CD8A: variants seen among roughly 807,000 people sequenced by gnomAD.
CD8A encodes T-cell surface glycoprotein CD8 alpha chain.
A neutral mutation model predicts 24.2 loss-of-function variants in CD8A; 25 were observed. That is an observed-to-expected ratio of 1.03 (90% CI 0.75 to 1.44). The LOEUF is 1.44. Ranked by LOEUF, CD8A falls within the 40% of genes most tolerant of loss-of-function variation. CD8A has a pLI of 0.00. For missense variants in CD8A, 360 were observed against 319.7 expected (o/e 1.13, Z -0.96); for synonymous variants, 165 against 149.9 (o/e 1.10, Z -0.74).
chr2:86,784,933 G>C lies in CD8A; in HGVS notation c.*987C>G, dbSNP rs1418769579. 6.6e-6 allele frequency: 3 copies of C among 453,972 alleles called. No individual in the cohort carries two copies. The highest frequency in any genetic ancestry group is 2.3e-5 in the Admixed American group (1 of 42,554). 28.1% of individuals were successfully genotyped at this position (453,972 alleles called of 1,614,324 possible). On this transcript the variant is annotated 3_prime_UTR_variant, in exon 6 of 6. Coordinates refer to ENST00000283635, the MANE Select transcript of CD8A (RefSeq NM_001768.7). ...AGAGAGTCAGGTCTGCCTCATCCCTGTATCTGCTAGTTGAGCAGAGGCCAG... is the reference window on the plus strand; with the variant it reads ...AGAGAGTCAGGTCTGCCTCATCCCTCTATCTGCTAGTTGAGCAGAGGCCAG...
upstream of CD8A, chr2:86,791,758 A>C: frequency 2.4e-6 from 1 of 419,606 alleles, no homozygotes; most frequent in Non-Finnish European, 4.8e-6. Flanking sequence ...TGCCTTTCCC[A>C]TACACCTGCA....
chr2:86,796,308 T>G (rs904240605), intron 3 of CD8A, among the ~76,000 whole-genome samples: 4 of 152,180 alleles, frequency 2.6e-5, no homozygotes, highest in Admixed American at 1.3e-4. Context: ...GAAGAAAGCA[T>G]GGCTGAAAAT....
intron 2 of CD8A, among the ~76,000 whole-genome samples, chr2:86,804,488 TAGAG>T (rs545896273): frequency 4.3e-4 from 66 of 152,248 alleles, no homozygotes; most frequent in Middle Eastern, 3.4e-3. Flanking sequence ...TGAAAAGAGT[TAGAG>T]AGAAGGATGG....
intron 2 of CD8A, among the ~76,000 whole-genome samples, chr2:86,806,221 A>C (rs1673851457): frequency 6.6e-6 from 1 of 152,128 alleles, no homozygotes; most frequent in Non-Finnish European, 1.5e-5. Flanking sequence ...TGAGTGGTGC[A>C]AGGTGGAGGA....
In CD8A at chr2:86,790,701, A is replaced by T. The variant is rs1673256559; in HGVS notation, c.50-20T>A. ...CGGCGTCTGCAGGCGGCAAGCAGCG[A>T]GGCTGAGCCCGCAGTCCCGCGCCCC... On this transcript the variant is annotated intron_variant, in intron 1 of 5. Coordinates refer to ENST00000283635, the MANE Select transcript of CD8A (RefSeq NM_001768.7). 1.3e-6 allele frequency: 2 copies of T among 1,589,374 alleles called. No individual in the cohort carries two copies. The highest frequency in any genetic ancestry group is 4.5e-5 in the East Asian group (2 of 44,386).
At chr2:86,797,506 G>A (rs1278916679) in intron 3 of CD8A, among the ~76,000 whole-genome samples, 1 of 152,100 alleles carries the variant, frequency 6.6e-6, no homozygotes, top group East Asian at 1.9e-4. Context: ...TGACCCACAT[G>A]AGGATGTCCC....
chr2:86,806,294 T>C (rs1455720386), intron 2 of CD8A, among the ~76,000 whole-genome samples: 1 of 152,038 alleles, frequency 6.6e-6, no homozygotes, highest in Non-Finnish European at 1.5e-5. Flanking sequence ...CCTCAGAGCA[T>C]GAGGGCTGGG....
chr2:86,793,161 G>A (rs981936151), upstream of CD8A, among the ~76,000 whole-genome samples: 19 of 152,164 alleles, frequency 1.2e-4, no homozygotes, highest in African/African-American at 3.9e-4. Flanking sequence ...GAAGGAGAGC[G>A]TTCAGCAGAT....
intron 2 of CD8A, 121 bp downstream of exon 2, chr2:86,790,207 A>C: frequency 1.3e-6 from 1 of 764,920 alleles, no homozygotes; most frequent in Non-Finnish European, 2.3e-6. Flanking sequence ...TGAAATGGGA[A>C]CAGTATCTAA....
chr2:86,790,709 C>T lies in CD8A; in HGVS notation c.50-28G>A. On this transcript the variant is annotated intron_variant, in intron 1 of 5. Coordinates refer to ENST00000283635, the MANE Select transcript of CD8A (RefSeq NM_001768.7). The stretch of plus-strand genomic sequence containing the variant: ...GCAGGCGGCAAGCAGCGAGGCTGAG[C>T]CCGCAGTCCCGCGCCCCCCGCCCCC... The T allele has an allele frequency of 1.9e-6, 3 of 1,562,140 alleles. No homozygotes were observed. In the South Asian group the frequency reaches 3.4e-5, roughly 18 times the overall value.
intron 2 of CD8A, among the ~76,000 whole-genome samples, chr2:86,803,381 G>A (rs1673736615): frequency 6.6e-6 from 1 of 152,134 alleles, no homozygotes; most frequent in African/African-American, 2.4e-5. Flanking sequence ...ACCATCAATG[G>A]ACGAATGGTT....
rs1173569177 is a variant in CD8A at position 86,790,347 on chromosome 2, G to A, written c.384C>T (p.Phe128=). Residue 128 remains phenylalanine, a synonymous_variant, in exon 2 of 6, where the codon TTC becomes TTT. Coordinates refer to ENST00000283635, the MANE Select transcript of CD8A (RefSeq NM_001768.7). ...LSNSIMYFSH[F]VPVFLPAKPT... ...GCGGACCTGGCAGGAAGACCGGCAC[G>A]AAGTGGCTGAAGTACATGATGGAGT... is the stretch of plus-strand genomic sequence containing the variant. 3.1e-6 allele frequency: 5 copies of A among 1,613,730 alleles called. No homozygotes were observed. Among genetic ancestry groups the A allele is most frequent in the Non-Finnish European group, 3.4e-6 (4 of 1,179,730 alleles).
chr2:86,805,368 T>C (rs1266034346), intron 2 of CD8A, among the ~76,000 whole-genome samples: 1 of 152,170 alleles, frequency 6.6e-6, no homozygotes, highest in Non-Finnish European at 1.5e-5. Context: ...TTGTGAGAAA[T>C]GACTGATTCG....
At chr2:86,801,463 C>CA (rs1450660635) in intron 3 of CD8A, 2 of 153,398 alleles carry the variant, frequency 1.3e-5, no homozygotes, top group Non-Finnish European at 2.9e-5. Context: ...ACAGTCCTCC[C>CA]ACCTCAGCCT....
At chr2:86,787,144 A>G (rs1162019289) in intron 5 of CD8A, among the ~76,000 whole-genome samples, 3 of 117,592 alleles carry the variant, frequency 2.6e-5, no homozygotes, top group Admixed American at 2.0e-4. Flanking sequence ...GTGCAGTGGT[A>G]CGATCTCAGC....
chr2:86,791,682 A>G (rs1048198929), upstream of CD8A: 1 of 453,658 alleles, frequency 2.2e-6, no homozygotes, highest in African/African-American at 2.0e-5. Context: ...TGGAAATTCA[A>G]CCCCCAGCTT....
intron 2 of CD8A, among the ~76,000 whole-genome samples, chr2:86,804,794 CTTTTTTTTTTTTT>C (rs70958908): frequency 1.1e-5 from 1 of 94,032 alleles, no homozygotes; most frequent in African/African-American, 4.2e-5. Context: ...CTTGCTAAAT[CTTTTTTTTTTTTT>C]TTTTTTTTTT....
chr2:86,789,946 C>G (rs2944250), intron 2 of CD8A, among the ~76,000 whole-genome samples, 196 bp from the exon 3 acceptor site: 38,750 of 152,114 alleles, frequency 0.25, 5,152 homozygotes, highest in African/African-American at 0.32. Flanking sequence ...CCCAGCGCAC[C>G]CGGCGCCCAG....
At chr2:86,799,652 A>G (rs908075278) in intron 3 of CD8A, among the ~76,000 whole-genome samples, 1 of 152,152 alleles carries the variant, frequency 6.6e-6, no homozygotes, top group Non-Finnish European at 1.5e-5. Flanking sequence ...GCGACTCGGG[A>G]GGCTGCGGCA....
Sources: gnomAD v4.1 joint callset for allele counts (sites outside exome capture counted in the v4.1 genomes callset) on GRCh38, gnomAD v4.1.1 for gene constraint, MANE v1.5 for transcripts, NCBI Gene and HGNC (gene_info 2026-07-23, HGNC 2026-07-21) for gene names.